Variants in TTN observed in about 807,000 individuals in gnomAD.
TTN encodes the protein connectin.
In TTN, 1,525 loss-of-function variants were observed where a neutral mutation model predicts 3,223.0. The observed-to-expected ratio is 0.47, with a 90% CI of 0.45 to 0.49. The LOEUF is 0.49. Among genes scored for constraint, TTN ranks in the 20% least tolerant of loss-of-function variants. The pLI is 0.00. For synonymous variants in TTN, 14,094 were observed against 15,161.0 expected, an observed-to-expected ratio of 0.93 and a Z score of 5.17; for missense variants, 40,786 against 43,424.0, an observed-to-expected ratio of 0.94 and a Z score of 5.40.
rs760050553 is a variant in TTN, at chr2:178,568,187, A to G, written c.77945T>C (p.Ile25982Thr). ...GQSFALESDP[I>T]VAQYPYKEPG... ...TTCTTTGTAGGGATATTGAGCTACAATTGGATCAGACTCTAAGGCAAAGCT... is the reference window on the plus strand; with the variant it reads ...TTCTTTGTAGGGATATTGAGCTACAGTTGGATCAGACTCTAAGGCAAAGCT... Residue 25982 changes from isoleucine (I) to threonine (T), a missense_variant, in exon 326 of 363, where the codon ATT becomes ACT. By Grantham distance (89) the Ile-to-Thr change is moderately conservative (BLOSUM62 -1). Transcript: ENST00000589042. 17 of 1,613,406 alleles carry G rather than the reference A, an allele frequency of 1.1e-5. No homozygotes were observed. Among genetic ancestry groups the G allele is most frequent in the East Asian group, 6.7e-5 (3 of 44,858 alleles).
chr2:178,673,654 C>CT lies in TTN; in HGVS notation c.34764dup (p.Val11589SerfsTer7). The CT allele has an allele frequency of 1.3e-6, 2 of 1,594,836 alleles. No individual in the cohort carries two copies. Among genetic ancestry groups the CT allele is most frequent in the South Asian group, 1.2e-5 (1 of 85,770 alleles). On this transcript the variant is annotated frameshift_variant, in exon 152 of 363. Transcript: ENST00000589042. LOFTEE classifies it high-confidence loss of function. Reference sequence around the variant, plus strand: ...ATACCTTTAGCTGGTGGTGCCTCCACTTTTTTAGGAACAGGAGTAGGTGCT... The same window carrying CT: ...ATACCTTTAGCTGGTGGTGCCTCCACTTTTTTTAGGAACAGGAGTAGGTGCT...
chr2:178,748,730 A>G (rs1232314582), intron 47 of TTN: 9 of 1,612,682 alleles, frequency 5.6e-6, no homozygotes, highest in South Asian at 1.1e-5. Flanking sequence ...AGGTTTATCT[A>G]TAAGACTTAT....
At chr2:178,596,077 G>A (rs925171617) in intron 294 of TTN, among the ~76,000 whole-genome samples, 2 of 139,830 alleles carry the variant, frequency 1.4e-5, no homozygotes, top group African/African-American at 5.4e-5. Context: ...TGCAACCTCC[G>A]CTTCCCAGGT....
At position 178,545,509 on chromosome 2, in the gene TTN, C is replaced by G; in HGVS notation, c.95601G>C (p.Arg31867Ser). Residue 31867 changes from arginine (R) to serine (S), a missense_variant, in exon 344 of 363, where the codon AGG (arginine) becomes AGC (serine). Transcript: ENST00000589042. ...CCTCCATCAGGCTGGTCACCTTCAGCCTGGTATCATACACCACATAGTCTT... is the reference window on the plus strand; with the variant it reads ...CCTCCATCAGGCTGGTCACCTTCAGGCTGGTATCATACACCACATAGTCTT... Reference protein sequence around the residue: ...VNKDYVVYDTRLKVTSLMEGC... With the variant: ...VNKDYVVYDTSLKVTSLMEGC... 1.2e-6 allele frequency: 2 copies of G among 1,613,674 alleles called. No homozygotes were observed. The highest frequency in any genetic ancestry group is 1.7e-6 in the Non-Finnish European group (2 of 1,179,676).
chr2:178,602,260 TA>T (rs755857509), intron 283 of TTN, 21 bp downstream of exon 283: 16 of 1,608,134 alleles, frequency 9.9e-6, no homozygotes, highest in Non-Finnish European at 1.2e-5. Flanking sequence ...GAGGAATACA[TA>T]AACTGAGTAA....
rs1277800732 is a variant in TTN, at chr2:178,680,175, G to C, written c.33418+79C>G. 5 of 1,582,874 alleles carry C rather than the reference G, an allele frequency of 3.2e-6. No individual in the cohort carries two copies. The African/African-American group carries it at 6.9e-5, about 22-fold the overall frequency. ...GACAAGATTTACTTTTCCCACAAAA[G>C]AAGTTTTCACACACAGAACTGAAGA... On this transcript the variant is annotated intron_variant, in intron 139 of 362. Transcript: ENST00000589042.
At position 178,722,071 on chromosome 2, in the gene TTN, C is replaced by T. The variant is rs267599060; in HGVS notation, c.22592G>A (p.Ser7531Asn). Residue 7531 changes from serine (S) to asparagine (N), a missense_variant, in exon 78 of 363, where the codon AGT becomes AAT. Physicochemically the swap from Ser to Asn is conservative, Grantham distance 46. Transcript: ENST00000589042. ...PVSIDVIAGE[S>N]ADFECHVTGA... ...AGTAACATGACACTCAAAATCAGCA[C>T]TTTCTCCAGCAATAACATCTATAGA... 1.7e-5 allele frequency: 28 copies of T among 1,611,176 alleles called. No individual in the cohort carries two copies. The African/African-American group carries it at 3.3e-4, about 19-fold the overall frequency.
In TTN at chr2:178,532,691, G is replaced by A; in HGVS notation, c.103924C>T (p.Pro34642Ser). The stretch of plus-strand genomic sequence containing the variant: ...GGTCGGTAGTAAAAGTCATAATCAG[G>A]AGAAGGTGTACGCCGGCGGGCTGGT... ...VRPARRRTPS[P>S]DYDFYYRPRR... Residue 34642 changes from proline to serine, a missense_variant, in exon 358 of 363, where the codon CCT becomes TCT. Physicochemically the swap from Pro to Ser is moderately conservative, Grantham distance 74. Coordinates refer to ENST00000589042, the MANE Select transcript of TTN (RefSeq NM_001267550.2). 6.2e-7 allele frequency: 1 copy of A among 1,613,798 alleles called. No homozygotes were observed. Among genetic ancestry groups the A allele is most frequent in the Non-Finnish European group, 8.5e-7 (1 of 1,179,732 alleles).
intron 10 of TTN, among the ~76,000 whole-genome samples, chr2:178,791,721 A>T (rs907561586): frequency 8.6e-5 from 13 of 150,732 alleles, no homozygotes; most frequent in Admixed American, 6.0e-4. Flanking sequence ...TTTGTGCATT[A>T]CAATCTAAGT....
chr2:178,572,195 C>G lies in TTN; in HGVS notation c.73937G>C (p.Ser24646Thr). The G allele has an allele frequency of 6.2e-7, 1 of 1,613,436 alleles. No homozygotes were observed. The highest frequency in any genetic ancestry group is 1.1e-5 in the South Asian group (1 of 91,074). Residue 24646 changes from serine to threonine, a missense_variant, in exon 326 of 363, where the codon AGC becomes ACC. Transcript: ENST00000589042. Reference sequence around the variant, plus strand: ...CTCCACAATGTAGCCTAGAATTCGGCTGCCTCCATCATGCTCTGGTTTCTC... The same window carrying G: ...CTCCACAATGTAGCCTAGAATTCGGGTGCCTCCATCATGCTCTGGTTTCTC... ...SWEKPEHDGG[S>T]RILGYIVEMQ...
At chr2:178,744,339 A>G (rs986415528) in intron 47 of TTN, 1 of 974,892 alleles carries the variant, frequency 1.0e-6, no homozygotes, top group African/African-American at 1.8e-5. Context: ...CTATTAGCTT[A>G]ACACAGAATT....
Position 178,620,737 on chromosome 2 carries a change from A to C in TTN, c.45873T>G (p.Ser15291Arg). ...TACCTTCTACTATTAGATTGGCTGC[A>C]CTTTTAACATTTTCACCTCTGTGAT... ...LTNHRGENVK[S>R]AANLIVEEED... The change falls in exon 247 of 363, where the codon AGT (serine) becomes AGG (arginine). Residue 15291 changes from serine (S) to arginine (R), a missense_variant. Ser to Arg is a moderately radical substitution (Grantham distance 110). Transcript: ENST00000589042. 1 of 1,612,732 alleles carries C rather than the reference A, an allele frequency of 6.2e-7. No homozygotes were observed. The highest frequency in any genetic ancestry group is 1.7e-5 in the Admixed American group (1 of 59,954).
chr2:178,589,483 C>T lies in TTN; in HGVS notation c.62242G>A (p.Glu20748Lys), dbSNP rs774998817. 6.2e-7 allele frequency: 1 copy of T among 1,613,428 alleles called. No individual in the cohort carries two copies. Among genetic ancestry groups the T allele is most frequent in the Admixed American group, 1.7e-5 (1 of 59,962 alleles). The change falls in exon 304 of 363, where the codon GAA becomes AAA. Residue 20748 changes from glutamate (E) to lysine (K), a missense_variant. Transcript: ENST00000589042. ...TTCACCCAGTCACTTTCCCCACCTT[C>T]ATTCTTTGTTTGCACTCTGAACTCA... is the stretch of plus-strand genomic sequence containing the variant. ...IYEFRVQTKN[E>K]GGESDWVKTE...
Position 178,547,700 on chromosome 2 carries a change from G to A in TTN, c.93926C>T (p.Pro31309Leu), listed in dbSNP as rs1697796089. Residue 31309 changes from proline (P) to leucine (L), a missense_variant, in exon 339 of 363, where the codon CCA becomes CTA. Transcript: ENST00000589042. ...FSVTVVVIGRPGPVTGPIEVS... is the reference protein window; with the variant it reads ...FSVTVVVIGRLGPVTGPIEVS... ...CTCAATGGGGCCGGTTACTGGACCT[G>A]GCCTTCCAATGACCACAACTGTGAC... The A allele has an allele frequency of 6.2e-7, 1 of 1,613,870 alleles. No individual in the cohort carries two copies. Among genetic ancestry groups the A allele is most frequent in the Admixed American group, 1.7e-5 (1 of 60,006 alleles).
chr2:178,693,727 G>A (rs772792986), intron 118 of TTN, 38 bp from the exon 119 acceptor site: 1 of 1,447,488 alleles, frequency 6.9e-7, no homozygotes, highest in Non-Finnish European at 9.5e-7. Context: ...GATATGCCAT[G>A]TTGTGGGTGG....
Position 178,598,001 on chromosome 2 carries a change from C to T in TTN, c.57169G>A (p.Ala19057Thr). The change falls in exon 293 of 363, where the codon GCA becomes ACA. Residue 19057 changes from alanine to threonine, a missense_variant. By Grantham distance (58) the Ala-to-Thr change is moderately conservative (BLOSUM62 0). Transcript: ENST00000589042. ...KLVVTGLKEG[A>T]FYKFRVRAVN... ...GCTCTAACTCTAAATTTGTAGAATGCTCCTTCCTTTAATCCTGTCACAACA... is the reference window on the plus strand; with the variant it reads ...GCTCTAACTCTAAATTTGTAGAATGTTCCTTCCTTTAATCCTGTCACAACA... 2 of 1,613,408 alleles carry T rather than the reference C, an allele frequency of 1.2e-6. No individual in the cohort carries two copies. Among genetic ancestry groups the T allele is most frequent in the East Asian group, 2.2e-5 (1 of 44,786 alleles).
In TTN at chr2:178,722,808, C is replaced by T. The variant is rs200128066; in HGVS notation, c.22091G>A (p.Arg7364Gln). 131 of 1,613,092 alleles carry T rather than the reference C, an allele frequency of 8.1e-5. No individual in the cohort carries two copies. Among genetic ancestry groups the T allele is most frequent in the Non-Finnish European group, 1.0e-4 (118 of 1,179,542 alleles). ...GTAGGTCCTGTATTCAGGAGTTGGC[C>T]GTAATTTGGTATCTCCTTTGTACCA... ...VSWYKGDTKL[R>Q]PTPEYRTYFT... The change falls in exon 76 of 363, where the codon CGG becomes CAG. Residue 7364 changes from arginine (R) to glutamine (Q), a missense_variant. By Grantham distance (43) the Arg-to-Gln change is conservative (BLOSUM62 1). Coordinates refer to ENST00000589042, the MANE Select transcript of TTN (RefSeq NM_001267550.2).
chr2:178,667,403 T>C, intron 161 of TTN, 39 bp downstream of exon 161: 1 of 1,580,916 alleles, frequency 6.3e-7, no homozygotes, highest in African/African-American at 1.3e-5. Flanking sequence ...GTCATAAAGC[T>C]AAAGATACTC....
intron 218 of TTN, 30 bp from the exon 219 acceptor site, chr2:178,642,347 GT>G: frequency 6.5e-7 from 1 of 1,543,270 alleles, no homozygotes; most frequent in Non-Finnish European, 8.8e-7. Context: ...AAATTTTGAA[GT>G]GAATTTATAT....
Sources: allele counts gnomAD v4.1 joint callset (sites outside exome capture counted in the v4.1 genomes callset), GRCh38; gene constraint gnomAD v4.1.1; transcripts MANE v1.5; gene names NCBI Gene and HGNC (gene_info 2026-07-23, HGNC 2026-07-21).